ANKS1B: variants seen among roughly 807,000 people sequenced by gnomAD.
ANKS1B encodes ankyrin repeat and sterile alpha motif domain-containing protein 1B.
A neutral mutation model predicts 148.3 loss-of-function variants in ANKS1B; 36 were observed. The observed-to-expected ratio is 0.24, with a 90% confidence interval of 0.19 to 0.32. The LOEUF (loss-of-function observed/expected upper bound fraction) is 0.32. Ranked by LOEUF, ANKS1B falls within the 10% of genes least tolerant of loss-of-function variation. ANKS1B has a pLI of 1.00. For missense variants in ANKS1B, 1,157 were observed against 1,542.6 expected, an observed-to-expected ratio of 0.75 and a Z score of 4.19; for synonymous variants, 542 against 560.8, an observed-to-expected ratio of 0.97 and a Z score of 0.47.
At chr12:98,800,690 A>ATATATATATATATATATATG in intron 21 of ANKS1B, among the ~76,000 whole-genome samples, 8 of 137,994 alleles carry the variant, frequency 5.8e-5, no homozygotes, top group African/African-American at 2.1e-4. Flanking sequence ...ATATATATAT[A>ATATATATATATATATATATG]TGCCATATTT....
At chr12:99,239,756 C>T (rs1045752371) in intron 14 of ANKS1B, among the ~76,000 whole-genome samples, 8 of 152,062 alleles carry the variant, frequency 5.3e-5, no homozygotes, top group South Asian at 2.1e-4. Context: ...GAGTGGGGGC[C>T]GATATTCAAC....
At chr12:99,048,595 G>A (rs947635370) in intron 17 of ANKS1B, 6 of 152,574 alleles carry the variant, frequency 3.9e-5, no homozygotes, top group Non-Finnish European at 7.4e-5. Flanking sequence ...TCAAAGCTCC[G>A]AAGTTGAGAG....
rs2082936299 is a variant in ANKS1B at position 99,208,433 on chromosome 12, C to T, written c.2419+35909G>A. On this transcript the variant is annotated intron_variant, in intron 14 of 26. Coordinates refer to ENST00000683438, the MANE Select transcript of ANKS1B (RefSeq NM_001352186.2). ...GACCTTGAATTAACTTTGGGAAAAC[C>T]TCAAAGGACGTGTCTCTCACCTTTT... Among the ~76,000 whole-genome samples, 3 of 152,014 alleles carry T rather than the reference C, an allele frequency of 2.0e-5. No individual in the cohort carries two copies. In the South Asian group the frequency reaches 6.2e-4, roughly 32 times the overall value.
At chr12:99,592,931 A>C (rs1307377998) in intron 9 of ANKS1B, among the ~76,000 whole-genome samples, 3 of 152,172 alleles carry the variant, frequency 2.0e-5, no homozygotes, top group Non-Finnish European at 4.4e-5. Context: ...GTTGATTAAG[A>C]AATTTTCTGA....
intron 9 of ANKS1B, among the ~76,000 whole-genome samples, chr12:99,566,012 T>C (rs905656984): frequency 1.3e-5 from 2 of 152,182 alleles, no homozygotes; most frequent in African/African-American, 2.4e-5. Flanking sequence ...GCCTTTGTAC[T>C]GAATACGCTG....
chr12:99,797,879 C>T (rs570921093), intron 4 of ANKS1B, among the ~76,000 whole-genome samples: 6 of 152,056 alleles, frequency 3.9e-5, no homozygotes, highest in Non-Finnish European at 8.8e-5. Flanking sequence ...AGATGACGTT[C>T]ATGTTTACAG....
chr12:99,596,323 A>C (rs746199411), intron 9 of ANKS1B, among the ~76,000 whole-genome samples: 1 of 151,730 alleles, frequency 6.6e-6, no homozygotes, highest in Non-Finnish European at 1.5e-5. Context: ...CTTGGCTTGA[A>C]GGTGCATTAC....
intron 17 of ANKS1B, among the ~76,000 whole-genome samples, chr12:98,950,488 C>T (rs760717762): frequency 2.6e-5 from 4 of 152,124 alleles, no homozygotes; most frequent in Non-Finnish European, 5.9e-5. Flanking sequence ...CAGAGTGAGA[C>T]TCTGTCTCAA....
chr12:99,649,593 C>A, intron 9 of ANKS1B: 1 of 540,390 alleles, frequency 1.9e-6, no homozygotes, highest in Non-Finnish European at 3.3e-6. Flanking sequence ...GCAAAAGCAG[C>A]CTTCAGAGGT....
intron 15 of ANKS1B, among the ~76,000 whole-genome samples, chr12:99,095,220 C>T (rs961689583): frequency 6.6e-6 from 1 of 152,170 alleles, no homozygotes; most frequent in Non-Finnish European, 1.5e-5. Flanking sequence ...GTTTCTTGGT[C>T]GTGGCAGACA....
At position 98,958,691 on chromosome 12, in the gene ANKS1B, A is replaced by C. The variant is rs187309541; in HGVS notation, c.2778+94466T>G. Among the ~76,000 whole-genome samples, 168 of 152,362 alleles carry C rather than the reference A, an allele frequency of 1.1e-3. 1 individual carries two copies. The highest frequency in any genetic ancestry group is 3.9e-3 in the African/African-American group (163 of 41,588). ...TTGTCAGAGTTATAAAATCATTTGA[A>C]TATATTAATAAGCTATAAACATTTT... is the stretch of plus-strand genomic sequence containing the variant. On this transcript the variant is annotated intron_variant, in intron 17 of 26. Coordinates refer to ENST00000683438, the MANE Select transcript of ANKS1B (RefSeq NM_001352186.2).
intron 9 of ANKS1B, among the ~76,000 whole-genome samples, chr12:99,546,784 C>T (rs1199496982): frequency 6.6e-6 from 1 of 152,056 alleles, no homozygotes; most frequent in African/African-American, 2.4e-5. Context: ...TTAACTATAA[C>T]AGGATTGTGA....
chr12:99,680,843 A>G (rs1036472213), intron 8 of ANKS1B, among the ~76,000 whole-genome samples: 1 of 152,070 alleles, frequency 6.6e-6, no homozygotes, highest in African/African-American at 2.4e-5. Flanking sequence ...TACTGGCTGC[A>G]TGGGAGCTGA....
chr12:99,118,886 T>C (rs755836249), intron 15 of ANKS1B, among the ~76,000 whole-genome samples: 128 of 152,286 alleles, frequency 8.4e-4, no homozygotes, highest in Non-Finnish European at 1.4e-3. Context: ...CTCTTATGTA[T>C]GTTCAGAAGT....
chr12:99,456,526 G>A (rs1425623581), intron 10 of ANKS1B, among the ~76,000 whole-genome samples: 1 of 151,990 alleles, frequency 6.6e-6, no homozygotes, highest in Non-Finnish European at 1.5e-5. Flanking sequence ...CAAAAAAGAT[G>A]ATACAGGATA....
chr12:99,833,924 T>G (rs1160991204), intron 1 of ANKS1B, among the ~76,000 whole-genome samples: 1 of 152,166 alleles, frequency 6.6e-6, no homozygotes, highest in Non-Finnish European at 1.5e-5. Context: ...TACATCTTTT[T>G]TAAACAAGGA....
intron 9 of ANKS1B, among the ~76,000 whole-genome samples, chr12:99,564,204 T>A (rs1472195957): frequency 6.6e-6 from 1 of 152,122 alleles, no homozygotes; most frequent in Non-Finnish European, 1.5e-5. Flanking sequence ...GCCAAAAGGT[T>A]CATACAAAAA....
At chr12:99,935,016 A>G (rs920965307) in intron 1 of ANKS1B, among the ~76,000 whole-genome samples, 27 of 152,024 alleles carry the variant, frequency 1.8e-4, no homozygotes, top group African/African-American at 6.3e-4. Context: ...GAATATTTGA[A>G]TGTATATACA....
chr12:98,891,077 A>T (rs2099751677), intron 17 of ANKS1B, among the ~76,000 whole-genome samples: 1 of 152,236 alleles, frequency 6.6e-6, no homozygotes, highest in East Asian at 1.9e-4. Context: ...CAAACACTAA[A>T]GAGATGAATC....
Sources: gnomAD v4.1 joint callset for allele counts (sites outside exome capture counted in the v4.1 genomes callset) on GRCh38, gnomAD v4.1.1 for gene constraint, MANE v1.5 for transcripts, NCBI Gene and HGNC (gene_info 2026-07-23, HGNC 2026-07-21) for gene names.